RAI14: variants seen among roughly 807,000 people sequenced by gnomAD.
RAI14 encodes ankycorbin.
A neutral mutation model predicts 115.4 loss-of-function variants in RAI14; 45 were observed. That is an observed-to-expected ratio of 0.39 (90% CI 0.31 to 0.50). The LOEUF (loss-of-function observed/expected upper bound fraction) is 0.50. Among genes scored for constraint, RAI14 ranks in the 20% least tolerant of loss-of-function variants. The pLI is 0.85. For missense variants in RAI14, 939 were observed against 1,131.2 expected (o/e 0.83, Z 2.44); for synonymous variants, 371 against 415.4 (o/e 0.89, Z 1.30).
chr5:34,697,109 C>G (rs377103452), intron 2 of RAI14, among the ~76,000 whole-genome samples: 17 of 150,460 alleles, frequency 1.1e-4, no homozygotes, highest in Non-Finnish European at 2.4e-4. Flanking sequence ...CTAGCCTGGC[C>G]GACAGAGTAA....
chr5:34,665,180 T>C lies in RAI14; in HGVS notation c.-49+8705T>C, dbSNP rs202004539. ...GTGTGTATATATATATATACACACATATATATATGTATATATATACACACA... is the reference window on the plus strand; with the variant it reads ...GTGTGTATATATATATATACACACACATATATATGTATATATATACACACA... On this transcript the variant is annotated intron_variant, in intron 1 of 17. Transcript: ENST00000265109. Among the ~76,000 whole-genome samples the C allele has an allele frequency of 1.2e-3, 40 of 32,488 alleles. 15 individuals carry two copies. Among genetic ancestry groups the C allele is most frequent in the African/African-American group, 1.9e-3 (18 of 9,356 alleles). 21.3% of individuals were successfully genotyped at this position (32,488 alleles called of 152,430 possible). A position where few individuals can be genotyped will look rare whatever the true frequency, so the allele number is the denominator to read the frequency against.
intron 2 of RAI14, among the ~76,000 whole-genome samples, chr5:34,723,403 G>T (rs915830479): frequency 1.3e-5 from 2 of 152,160 alleles, no homozygotes; most frequent in Non-Finnish European, 2.9e-5. Flanking sequence ...GCAGTTTGGA[G>T]ACAGAATACC....
At chr5:34,801,262 C>A (rs556994196) in intron 4 of RAI14, among the ~76,000 whole-genome samples, 1 of 152,322 alleles carries the variant, frequency 6.6e-6, no homozygotes, top group South Asian at 2.1e-4. Flanking sequence ...TCCCCCACAC[C>A]TACCCTAAAA....
intron 3 of RAI14, among the ~76,000 whole-genome samples, chr5:34,787,643 G>T (rs1312813764): frequency 6.6e-6 from 1 of 152,050 alleles, no homozygotes; most frequent in African/African-American, 2.4e-5. Context: ...TGAGGAGGAG[G>T]TGACGAAAAT....
At chr5:34,762,042 A>G (rs980748787) in intron 3 of RAI14, among the ~76,000 whole-genome samples, 5 of 152,224 alleles carry the variant, frequency 3.3e-5, no homozygotes, top group Non-Finnish European at 5.9e-5. Context: ...CTCCCTAAGG[A>G]CAGGGATGGT....
intron 2 of RAI14, among the ~76,000 whole-genome samples, chr5:34,729,194 C>A (rs1330278478): frequency 1.3e-5 from 2 of 151,974 alleles, no homozygotes; most frequent in East Asian, 1.9e-4. Context: ...ACAAAAAATA[C>A]AAAAATTAGC....
intron 2 of RAI14, chr5:34,688,304 G>A: frequency 6.9e-7 from 1 of 1,455,026 alleles, no homozygotes; most frequent in Non-Finnish European, 9.4e-7. Context: ...TAAATTTTGT[G>A]ACCAGGTTAA....
At chr5:34,758,641 C>T (rs1320408754) in intron 3 of RAI14, among the ~76,000 whole-genome samples, 1 of 152,086 alleles carries the variant, frequency 6.6e-6, no homozygotes, top group African/African-American at 2.4e-5. Flanking sequence ...ACTCCTGGGC[C>T]CAAGCAATCC....
At chr5:34,762,629 C>T (rs1335685020) in intron 3 of RAI14, among the ~76,000 whole-genome samples, 1 of 152,072 alleles carries the variant, frequency 6.6e-6, no homozygotes, top group Admixed American at 6.5e-5. Context: ...CAAAATAGAG[C>T]AGAGCCAAGA....
chr5:34,750,876 G>C (rs1443286112), intron 2 of RAI14, among the ~76,000 whole-genome samples: 1 of 65,914 alleles, frequency 1.5e-5, no homozygotes, highest in Non-Finnish European at 2.9e-5. Context: ...TTTTGAGGTG[G>C]AGTTTTGCTC....
chr5:34,688,059 A>C, intron 2 of RAI14: 1 of 1,441,288 alleles, frequency 6.9e-7, no homozygotes, highest in Non-Finnish European at 9.2e-7. Flanking sequence ...TTACCTTCTT[A>C]TCCTTTAGGT....
rs527784702 is a variant in RAI14 at position 34,691,483 on chromosome 5, GGAAAAATGAGCTGTCGTCAT to G, written c.36+4539_36+4558del. On this transcript the variant is annotated intron_variant, in intron 2 of 17. Transcript: ENST00000265109. ...CAGCAGCTAGTATGTGGTTCCACAT[GGAAAAATGAGCTGTCGTCAT>G]GAAAAATGAGGCCAAAAAGGCTGGG... Among the ~76,000 whole-genome samples, 35 of 152,246 alleles carry G rather than the reference GGAAAAATGAGCTGTCGTCAT, an allele frequency of 2.3e-4. No individual in the cohort carries two copies. In the South Asian group the frequency reaches 7.3e-3, roughly 32 times the overall value.
intron 3 of RAI14, among the ~76,000 whole-genome samples, chr5:34,795,451 C>A (rs1753403349): frequency 6.6e-6 from 1 of 152,228 alleles, no homozygotes; most frequent in Non-Finnish European, 1.5e-5. Context: ...AGATACAACA[C>A]AACAGTGGGC....
At chr5:34,821,509 T>C (rs1041036832) in intron 13 of RAI14, among the ~76,000 whole-genome samples, 1 of 152,124 alleles carries the variant, frequency 6.6e-6, no homozygotes, top group Non-Finnish European at 1.5e-5. Context: ...GATTGCCTTG[T>C]GTACACATGT....
intron 3 of RAI14, among the ~76,000 whole-genome samples, chr5:34,765,045 AT>A (rs1436279813): frequency 1.3e-5 from 2 of 152,022 alleles, no homozygotes; most frequent in East Asian, 3.9e-4. Context: ...CTTCTTCCTC[AT>A]TTTTCTCTTG....
At chr5:34,681,827 A>G (rs114871608) in intron 1 of RAI14, among the ~76,000 whole-genome samples, 2,838 of 146,494 alleles carry the variant, frequency 0.019, 43 homozygotes, top group Middle Eastern at 0.029. Context: ...ATCAGTCTAG[A>G]GGTTTCTAAC....
chr5:34,766,534 T>A (rs900471148), intron 3 of RAI14, among the ~76,000 whole-genome samples: 7 of 152,120 alleles, frequency 4.6e-5, no homozygotes, highest in Admixed American at 3.3e-4. Context: ...TTTCTCCCAT[T>A]TGGAATGGGT....
intron 1 of RAI14, among the ~76,000 whole-genome samples, chr5:34,684,023 G>A (rs979983059): frequency 5.3e-5 from 8 of 152,222 alleles, no homozygotes; most frequent in Non-Finnish European, 1.0e-4. Context: ...CACCGTGCCC[G>A]GCCGGCGATT....
Position 34,818,779 on chromosome 5 carries a change from A to AT in RAI14, c.940-13dup, listed in dbSNP as rs1456546541. 2.5e-6 allele frequency: 4 copies of AT among 1,598,174 alleles called. No homozygotes were observed. The East Asian group carries it at 8.9e-5, about 36-fold the overall frequency. ...TACATTTAGAAATGTTCTTTAAGTC[A>AT]TTTTTGTGTTTCAATAGGCTGAGAT... is the stretch of plus-strand genomic sequence containing the variant. On this transcript the variant is annotated splice_polypyrimidine_tract_variant and intron_variant, in intron 12 of 17. Coordinates refer to ENST00000265109, the MANE Select transcript of RAI14 (RefSeq NM_015577.3).
Sources: gnomAD v4.1 joint callset for allele counts (sites outside exome capture counted in the v4.1 genomes callset) on GRCh38, gnomAD v4.1.1 for gene constraint, MANE v1.5 for transcripts, NCBI Gene and HGNC (gene_info 2026-07-23, HGNC 2026-07-21) for gene names.